Variants in ANP32A observed in about 807,000 individuals in gnomAD.
ANP32A encodes acidic leucine-rich nuclear phosphoprotein 32 family member A.
Under a neutral mutation model 33.9 loss-of-function variants are expected in ANP32A, and 1 was observed. The ratio of observed to expected loss-of-function variants is 0.03; its 90% CI spans 0.01 to 0.14. The LOEUF is 0.14. Among genes scored for constraint, ANP32A ranks in the 10% least tolerant of loss-of-function variants. ANP32A has a pLI of 1.00. For synonymous variants in ANP32A, 115 were observed against 120.5 expected, an observed-to-expected ratio of 0.95 and a Z score of 0.30; for missense variants, 155 against 306.0, an observed-to-expected ratio of 0.51 and a Z score of 3.68.
intron 1 of ANP32A, 66 bp downstream of exon 1, chr15:68,820,632 G>GTA (rs1555424787): frequency 2.1e-5 from 20 of 944,422 alleles, no homozygotes; most frequent in African/African-American, 1.5e-4. Flanking sequence ...CCCCCAGCGC[G>GTA]CACACACACA....
At chr15:68,798,388 G>A (rs139665061) in intron 1 of ANP32A, among the ~76,000 whole-genome samples, 441 of 152,300 alleles carry the variant, frequency 2.9e-3, no homozygotes, top group African/African-American at 0.01. Context: ...TCCCACAGCC[G>A]TGGTGTAAGC....
intron 1 of ANP32A, chr15:68,817,252 T>A (rs988113372): frequency 1.3e-5 from 2 of 152,228 alleles, no homozygotes; most frequent in Admixed American, 6.5e-5. Context: ...CGCTTTAGGA[T>A]CTCATTACTA....
chr15:68,787,601 G>A, intron 2 of ANP32A, 66 bp from the exon 3 acceptor site: 1 of 1,609,540 alleles, frequency 6.2e-7, no homozygotes, highest in Non-Finnish European at 8.5e-7. Flanking sequence ...GCTCAGAGCT[G>A]CCCGGCTTTC....
intron 1 of ANP32A, among the ~76,000 whole-genome samples, chr15:68,814,126 C>T (rs987168622): frequency 6.6e-6 from 1 of 152,112 alleles, no homozygotes; most frequent in Non-Finnish European, 1.5e-5. Context: ...GCCTCGGCCT[C>T]CCAAAGTGCT....
Position 68,820,685 on chromosome 15 carries a change from G to T in ANP32A, c.54+13C>A. ...AGAATGGACCGACAGAGATATTTTTGGCAAATGCTCACATCAGAGGGCGTC... is the reference window on the plus strand; with the variant it reads ...AGAATGGACCGACAGAGATATTTTTTGCAAATGCTCACATCAGAGGGCGTC... On this transcript the variant is annotated intron_variant, in intron 1 of 6. Transcript: ENST00000465139. 6.3e-7 allele frequency: 1 copy of T among 1,599,292 alleles called. No homozygotes were observed. The highest frequency in any genetic ancestry group is 8.5e-7 in the Non-Finnish European group (1 of 1,174,710).
chr15:68,794,010 C>T lies in ANP32A; in HGVS notation c.55-6091G>A, dbSNP rs570251521. Among the ~76,000 whole-genome samples the T allele has an allele frequency of 1.1e-3, 174 of 152,266 alleles. 2 individuals are homozygous for T. Among genetic ancestry groups the T allele is most frequent in the African/African-American group, 3.9e-3 (163 of 41,558 alleles). ...TGGACAGAAGGCAGGCTCTCGAGTCCGAGAGAACTGGCTCAAGTTCAATTT... is the reference window on the plus strand; with the variant it reads ...TGGACAGAAGGCAGGCTCTCGAGTCTGAGAGAACTGGCTCAAGTTCAATTT... On this transcript the variant is annotated intron_variant, in intron 1 of 6. Transcript: ENST00000465139.
intron 5 of ANP32A, among the ~76,000 whole-genome samples, chr15:68,782,321 C>G (rs1048704193): frequency 3.3e-5 from 5 of 152,182 alleles, no homozygotes; most frequent in African/African-American, 1.2e-4. Flanking sequence ...ATCCTCTTAA[C>G]AACCCTGTGA....
In ANP32A at chr15:68,816,048, G is replaced by A. The variant is rs78949009; in HGVS notation, c.54+4650C>T. 5.3e-3 allele frequency among the ~76,000 whole-genome samples: 801 copies of A among 152,276 alleles called. 9 individuals are homozygous for A. Among genetic ancestry groups the A allele is most frequent in the African/African-American group, 0.018 (766 of 41,534 alleles). The stretch of plus-strand genomic sequence containing the variant: ...CAGATCCACTTCAACCTAACCCACT[G>A]TGATGTGCTAAAGCAAACTCAGTGC... On this transcript the variant is annotated intron_variant, in intron 1 of 6. Transcript: ENST00000465139.
chr15:68,799,762 G>C (rs998983425), intron 1 of ANP32A, among the ~76,000 whole-genome samples: 1 of 152,186 alleles, frequency 6.6e-6, no homozygotes, highest in Non-Finnish European at 1.5e-5. Flanking sequence ...TTTGAGGAAG[G>C]CAACCAGGGT....
chr15:68,789,413 G>C (rs1893972925), intron 1 of ANP32A: 1 of 152,448 alleles, frequency 6.6e-6, no homozygotes, highest in South Asian at 2.1e-4. Context: ...AAGCAGCCAG[G>C]CTTTCTAACC....
At chr15:68,809,022 G>C (rs1228819285) in intron 1 of ANP32A, among the ~76,000 whole-genome samples, 2 of 152,156 alleles carry the variant, frequency 1.3e-5, no homozygotes, top group African/African-American at 4.8e-5. Context: ...CACCCACCCT[G>C]AGTCTATGGC....
Position 68,780,572 on chromosome 15 carries a change from C to A in ANP32A, c.625-99G>T. 1 of 1,531,898 alleles carries A rather than the reference C, an allele frequency of 6.5e-7. No individual in the cohort carries two copies. Among genetic ancestry groups the A allele is most frequent in the South Asian group, 1.3e-5 (1 of 79,272 alleles). The allele number at this position is 1,531,898 out of a possible 1,614,324, so 94.9% of individuals were successfully genotyped here. A position where few individuals can be genotyped will look rare whatever the true frequency, so the allele number is the denominator to read the frequency against. On this transcript the variant is annotated intron_variant, in intron 5 of 6. Coordinates refer to ENST00000465139, the MANE Select transcript of ANP32A (RefSeq NM_006305.4). The surrounding 1 kb of genome is among the most constrained non-coding windows in gnomAD (Gnocchi z 4.3). ...ACAAAAAGGCCGGGGTCACCCCCAG[C>A]CTCTCAGAGCCCCCACCAAGACTTG...
intron 1 of ANP32A, among the ~76,000 whole-genome samples, chr15:68,811,538 G>A (rs1894312191): frequency 6.6e-6 from 1 of 152,088 alleles, no homozygotes; most frequent in Non-Finnish European, 1.5e-5. Flanking sequence ...GCTGCTGAGG[G>A]CAGTAAGAAA....
At chr15:68,786,849 C>T (rs918950699) in intron 3 of ANP32A, among the ~76,000 whole-genome samples, 3 of 152,142 alleles carry the variant, frequency 2.0e-5, no homozygotes, top group Non-Finnish European at 4.4e-5. Flanking sequence ...TTCACTATCG[C>T]AACAAGGACT....
intron 1 of ANP32A, among the ~76,000 whole-genome samples, chr15:68,793,835 C>T (rs552689530): frequency 3.3e-5 from 5 of 152,320 alleles, no homozygotes; most frequent in Non-Finnish European, 5.9e-5. Context: ...GCGTGCTGCA[C>T]GGGTCACATG....
chr15:68,798,221 G>A (rs995399563), intron 1 of ANP32A, among the ~76,000 whole-genome samples: 1 of 152,166 alleles, frequency 6.6e-6, no homozygotes, highest in African/African-American at 2.4e-5. Context: ...GATGGACCCC[G>A]AGTGGAGGAA....
intron 4 of ANP32A, among the ~76,000 whole-genome samples, chr15:68,783,254 A>G (rs922918050): frequency 5.9e-5 from 9 of 152,096 alleles, no homozygotes; most frequent in African/African-American, 1.7e-4. Context: ...TGCCAAAGAT[A>G]AGCCCCCCTC....
In ANP32A at chr15:68,787,872, G is replaced by A. The variant is rs201740562; in HGVS notation, c.102C>T (p.Leu34=). 9.3e-6 allele frequency: 15 copies of A among 1,614,144 alleles called. No homozygotes were observed. In the Admixed American group the frequency reaches 1.0e-4, roughly 11 times the overall value. The part of the protein sequence containing the change: ...LDNSRSNEGK[L]EGLTDEFEEL... ...CTTCAAATTCATCTGTGAGGCCTTC[G>A]AGTTTGCCTTCATTCGACCGACTGT... Residue 34 remains leucine (L), a synonymous_variant, in exon 2 of 7, where the codon CTC becomes CTT. Coordinates refer to ENST00000465139, the MANE Select transcript of ANP32A (RefSeq NM_006305.4).
chr15:68,785,987 T>C (rs931692396), intron 3 of ANP32A, among the ~76,000 whole-genome samples: 1 of 152,168 alleles, frequency 6.6e-6, no homozygotes, highest in African/African-American at 2.4e-5. Context: ...TTCTACTAGT[T>C]GGCCCCAATG....
Sources: gnomAD v4.1 joint callset for allele counts (sites outside exome capture counted in the v4.1 genomes callset) on GRCh38, gnomAD v4.1.1 for gene constraint, Gnocchi (gnomAD v3.1) non-coding constraint, MANE v1.5 for transcripts, NCBI Gene and HGNC (gene_info 2026-07-23, HGNC 2026-07-21) for gene names.